SHANK2: variants seen among roughly 807,000 people sequenced by gnomAD.
SHANK2 encodes the protein SH3 and multiple ankyrin repeat domains protein 2.
A neutral mutation model predicts 133.7 loss-of-function variants in SHANK2; 43 were observed. The observed-to-expected ratio is 0.32, with a 90% CI of 0.25 to 0.41. SHANK2 has a LOEUF of 0.41. Ranked by LOEUF, SHANK2 falls within the 10% of genes least tolerant of loss-of-function variation. The pLI, the probability that SHANK2 is intolerant of heterozygous loss-of-function variation, is 1.00. For synonymous variants in SHANK2, 1,017 were observed against 952.8 expected, an observed-to-expected ratio of 1.07 and a Z score of -1.24; for missense variants, 1,994 against 2,235.8, an observed-to-expected ratio of 0.89 and a Z score of 2.18.
intron 9 of SHANK2, among the ~76,000 whole-genome samples, chr11:71,072,609 CACG>C (rs1160722519): frequency 5.3e-5 from 8 of 152,148 alleles, no homozygotes; most frequent in Admixed American, 1.3e-4. Flanking sequence ...CTGCATTATC[CACG>C]ACACTCAAAA....
At chr11:71,084,361 C>A (rs929862591) in intron 8 of SHANK2, among the ~76,000 whole-genome samples, 2,365 of 152,246 alleles carry the variant, frequency 0.016, 32 homozygotes, top group Non-Finnish European at 0.022. Flanking sequence ...CATATCCCCA[C>A]TGTGTGAAGT....
intron 17 of SHANK2, among the ~76,000 whole-genome samples, chr11:70,556,590 CTTT>C (rs56161301): frequency 0.56 from 78,954 of 140,076 alleles, 22,108 homozygotes; most frequent in South Asian, 0.7. Flanking sequence ...TAATTTTTTT[CTTT>C]TTTTTTTTTT....
At chr11:70,878,400 A>G (rs1322784688) in intron 11 of SHANK2, among the ~76,000 whole-genome samples, 1 of 152,210 alleles carries the variant, frequency 6.6e-6, no homozygotes, top group East Asian at 1.9e-4. Flanking sequence ...ACAAACATAC[A>G]GGGCATCATC....
intron 15 of SHANK2, among the ~76,000 whole-genome samples, chr11:70,681,865 G>A (rs1555018471): frequency 6.6e-6 from 1 of 152,068 alleles, no homozygotes; most frequent in Non-Finnish European, 1.5e-5. Flanking sequence ...TGAACACTGT[G>A]GGGTTCTGCA....
chr11:70,833,493 G>A (rs2135405889), intron 11 of SHANK2, among the ~76,000 whole-genome samples: 1 of 152,356 alleles, frequency 6.6e-6, no homozygotes, highest in South Asian at 2.1e-4. Flanking sequence ...CTCTGGTCCA[G>A]GGACCCTGAC....
At chr11:70,798,635 G>A (rs1028567178) in intron 13 of SHANK2, 79 bp from the exon 14 acceptor site, 2 of 698,036 alleles carry the variant, frequency 2.9e-6, no homozygotes, top group Non-Finnish European at 5.4e-6. Context: ...GTGGGGCTGG[G>A]CAGAGGCAGG....
intron 10 of SHANK2, among the ~76,000 whole-genome samples, chr11:70,947,148 C>G (rs1378298155): frequency 1.1e-3 from 137 of 125,288 alleles, no homozygotes; most frequent in African/African-American, 3.4e-3. Flanking sequence ...CACACACACA[C>G]ACACACACAC....
At chr11:70,599,964 AAAGAAAG>A (rs1554990605) in intron 17 of SHANK2, among the ~76,000 whole-genome samples, 1 of 122,744 alleles carries the variant, frequency 8.1e-6, no homozygotes, top group Non-Finnish European at 1.7e-5. Context: ...AGAAAGAAAG[AAAGAAAG>A]AAAATGTATC....
chr11:70,713,113 G>A (rs1349861903), intron 14 of SHANK2, among the ~76,000 whole-genome samples: 1 of 152,240 alleles, frequency 6.6e-6, no homozygotes, highest in Non-Finnish European at 1.5e-5. Flanking sequence ...GGGCAGGGGA[G>A]GCACCAGCCC....
intron 17 of SHANK2, among the ~76,000 whole-genome samples, chr11:70,598,892 A>G (rs2136306505): frequency 6.6e-6 from 1 of 151,900 alleles, no homozygotes; most frequent in South Asian, 2.1e-4. Flanking sequence ...CACTAGGAAA[A>G]GAATAAAATA....
chr11:70,849,918 A>G (rs1326893686), intron 11 of SHANK2, among the ~76,000 whole-genome samples: 9 of 152,182 alleles, frequency 5.9e-5, no homozygotes, highest in African/African-American at 1.4e-4. Context: ...TCACAGTGTT[A>G]GGTGACCATT....
intron 10 of SHANK2, among the ~76,000 whole-genome samples, chr11:70,920,452 A>G (rs1013807139): frequency 7.2e-5 from 11 of 152,206 alleles, no homozygotes; most frequent in Non-Finnish European, 7.3e-5. Flanking sequence ...GGAGAGGCGG[A>G]GGGTGGAACT....
At chr11:70,655,388 C>G (rs1349015290) in intron 17 of SHANK2, among the ~76,000 whole-genome samples, 1 of 152,220 alleles carries the variant, frequency 6.6e-6, no homozygotes, top group Non-Finnish European at 1.5e-5. Context: ...TCCACCTTCT[C>G]CACTCACCAG....
chr11:71,115,415 G>T (rs190809995), intron 4 of SHANK2, among the ~76,000 whole-genome samples: 2 of 150,554 alleles, frequency 1.3e-5, no homozygotes, highest in African/African-American at 4.9e-5. Flanking sequence ...GCTGCAGTGA[G>T]CCGAGATCAC....
chr11:71,145,033 C>T (rs562346360), intron 3 of SHANK2, among the ~76,000 whole-genome samples: 3 of 152,310 alleles, frequency 2.0e-5, no homozygotes, highest in South Asian at 4.1e-4. Flanking sequence ...CTTTTCATAA[C>T]AATCATTTAT....
chr11:70,827,641 T>G (rs1176420357), intron 11 of SHANK2, among the ~76,000 whole-genome samples: 76 of 143,018 alleles, frequency 5.3e-4, no homozygotes, highest in African/African-American at 1.3e-3. Flanking sequence ...TGTGTGTGTT[T>G]TTTTTTTTTT....
chr11:70,502,397 G>T, intron 18 of SHANK2, 111 bp from the exon 19 acceptor site: 1 of 980,994 alleles, frequency 1.0e-6, no homozygotes, highest in Non-Finnish European at 1.5e-6. Context: ...CTGTTTGGCT[G>T]CGGTGGTCAG....
rs577682704 is a variant in SHANK2, at chr11:70,944,199, C to T, written c.1108-47632G>A. 6.3e-4 allele frequency among the ~76,000 whole-genome samples: 96 copies of T among 152,352 alleles called. 1 individual carries two copies. The highest frequency in any genetic ancestry group is 2.1e-3 in the African/African-American group (88 of 41,586). ...TCTGACAGAGGTGTAAATTGCAGAG[C>T]GCAGGTCTATTCCTGTAAGGTGGAA... On this transcript the variant is annotated intron_variant, in intron 10 of 25. Transcript: ENST00000601538.
At chr11:71,152,295 G>A (rs1301184206) in intron 2 of SHANK2, among the ~76,000 whole-genome samples, 3 of 152,106 alleles carry the variant, frequency 2.0e-5, no homozygotes, top group Admixed American at 1.3e-4. Flanking sequence ...TGTATTTTTA[G>A]TAGAGACGGG....
Sources: allele counts gnomAD v4.1 joint callset (sites outside exome capture counted in the v4.1 genomes callset), GRCh38; gene constraint gnomAD v4.1.1; transcripts MANE v1.5; gene names NCBI Gene and HGNC (gene_info 2026-07-23, HGNC 2026-07-21).